BCAP29: variants seen among roughly 807,000 people sequenced by gnomAD.
BCAP29 encodes B-cell receptor-associated protein 29.
Under a neutral mutation model 31.8 loss-of-function variants are expected in BCAP29, and 34 were observed. That is an observed-to-expected ratio of 1.07 (90% CI 0.81 to 1.42). The LOEUF is 1.42. Ranked by LOEUF, BCAP29 falls within the 40% of genes most tolerant of loss-of-function variation. The pLI is 0.00. For synonymous variants in BCAP29, 104 were observed against 91.3 expected (o/e 1.14, Z -0.79); for missense variants, 314 against 269.2 (o/e 1.17, Z -1.16).
At chr7:107,616,291 T>C (rs1419637852) in intron 7 of BCAP29, 1 of 152,448 alleles carries the variant, frequency 6.6e-6, no homozygotes, top group African/African-American at 2.4e-5. Context: ...CATACTGGCC[T>C]TCGCACCTGG....
At chr7:107,609,089 C>G (rs988211059) in intron 6 of BCAP29, among the ~76,000 whole-genome samples, 4 of 152,166 alleles carry the variant, frequency 2.6e-5, no homozygotes, top group African/African-American at 9.7e-5. Context: ...TCGACACTTT[C>G]TTGACATTTT....
At chr7:107,585,947 C>T (rs1297914380) in intron 3 of BCAP29, among the ~76,000 whole-genome samples, 3 of 151,972 alleles carry the variant, frequency 2.0e-5, no homozygotes, top group East Asian at 1.9e-4. Flanking sequence ...GCCGAGATCG[C>T]GCCATTGCAC....
chr7:107,614,059 A>G (rs1244890414), intron 7 of BCAP29, among the ~76,000 whole-genome samples: 1 of 152,146 alleles, frequency 6.6e-6, no homozygotes, highest in Non-Finnish European at 1.5e-5. Context: ...TTGATTTCTC[A>G]GACACACTCT....
chr7:107,613,651 C>T (rs774953959), intron 7 of BCAP29: 5 of 1,604,332 alleles, frequency 3.1e-6, no homozygotes, highest in Non-Finnish European at 3.4e-6. Context: ...TGCATACTTA[C>T]AGCATTCCAG....
At chr7:107,621,536 CA>C (rs1250869727), downstream of BCAP29, 3 of 367,088 alleles carry the variant, frequency 8.2e-6, no homozygotes, top group South Asian at 4.3e-5. Flanking sequence ...TCTTCTATAG[CA>C]AAAGATATGA....
At chr7:107,612,935 G>A (rs1190995976) in intron 6 of BCAP29, among the ~76,000 whole-genome samples, 1 of 152,058 alleles carries the variant, frequency 6.6e-6, no homozygotes, top group Non-Finnish European at 1.5e-5. Flanking sequence ...ACTGTATCCT[G>A]GACTAGCAGT....
At chr7:107,594,489 T>TTTTGTTTGTTTGTTTG (rs71134271) in intron 4 of BCAP29, among the ~76,000 whole-genome samples, 32 of 149,484 alleles carry the variant, frequency 2.1e-4, no homozygotes, top group Non-Finnish European at 3.6e-4. Context: ...CCTACTGTAG[T>TTTTGTTTGTTTGTTTG]TTTGTTTGTT....
intron 2 of BCAP29, 97 bp downstream of exon 2, chr7:107,580,961 T>G: frequency 2.4e-6 from 2 of 843,758 alleles, no homozygotes; most frequent in Non-Finnish European, 3.5e-6. Context: ...CGAAAGTCTT[T>G]GAAAATAAAC....
rs1167022642 is a variant in BCAP29 at position 107,593,880 on chromosome 7, TA to T, written c.194-71del. 5 of 1,452,596 alleles carry T rather than the reference TA, an allele frequency of 3.4e-6. No homozygotes were observed. In the African/African-American group the frequency reaches 7.1e-5, roughly 21 times the overall value. The allele number at this position is 1,452,596 out of a possible 1,614,324, so 90.0% of individuals were successfully genotyped here. On this transcript the variant is annotated intron_variant, in intron 3 of 7. Coordinates refer to ENST00000005259, the MANE Select transcript of BCAP29 (RefSeq NM_018844.4). ...TATTTAAAAGTTTGGTCAGTTTTTC[TA>T]AAACTGCTTTCCATTTTTAACAAGC...
At chr7:107,592,464 A>C (rs1585088857) in intron 3 of BCAP29, among the ~76,000 whole-genome samples, 1 of 152,362 alleles carries the variant, frequency 6.6e-6, no homozygotes, top group East Asian at 1.9e-4. Context: ...GAGAAATTGG[A>C]ACCAACATAC....
intron 6 of BCAP29, among the ~76,000 whole-genome samples, chr7:107,606,667 C>T (rs909443319): frequency 3.9e-5 from 6 of 152,256 alleles, no homozygotes; most frequent in African/African-American, 7.2e-5. Context: ...TAAACAGAAC[C>T]AATTCTCATT....
intron 6 of BCAP29, among the ~76,000 whole-genome samples, chr7:107,606,287 C>G (rs1454604792): frequency 6.6e-6 from 1 of 152,126 alleles, no homozygotes; most frequent in Non-Finnish European, 1.5e-5. Flanking sequence ...AGAGACTGAA[C>G]TAGTTAAACT....
rs7790929 is a variant in BCAP29, at chr7:107,597,156, G to A, written c.480+1154G>A. On this transcript the variant is annotated intron_variant, in intron 5 of 7. Transcript: ENST00000005259. The stretch of plus-strand genomic sequence containing the variant: ...CATAAGTGAGAATATAAAAGATGAC[G>A]TCTGTTTCAAGGTACTTCATGTAGG... Among the ~76,000 whole-genome samples the A allele has an allele frequency of 1.2e-3, 190 of 152,306 alleles. 2 individuals are homozygous for A. The highest frequency in any genetic ancestry group is 4.3e-3 in the African/African-American group (180 of 41,568).
At chr7:107,622,025 C>T, downstream of BCAP29, 1 of 449,134 alleles carries the variant, frequency 2.2e-6, no homozygotes, top group Non-Finnish European at 4.6e-6. Context: ...TTGGATAAGT[C>T]AAAGATAGCC....
At chr7:107,597,362 T>C (rs7809950) in intron 5 of BCAP29, among the ~76,000 whole-genome samples, 116,057 of 151,966 alleles carry the variant, frequency 0.76, 44,909 homozygotes, top group African/African-American at 0.9. Context: ...AGGCAAGAGT[T>C]ACCGCGCCCA....
At chr7:107,599,753 T>C (rs569525064) in intron 5 of BCAP29, among the ~76,000 whole-genome samples, 1 of 152,292 alleles carries the variant, frequency 6.6e-6, no homozygotes, top group Non-Finnish European at 1.5e-5. Context: ...TCAGTTGTTT[T>C]ACTATATGGA....
At chr7:107,584,560 T>G (rs973560037) in intron 3 of BCAP29, among the ~76,000 whole-genome samples, 3 of 152,048 alleles carry the variant, frequency 2.0e-5, no homozygotes, top group African/African-American at 7.3e-5. Flanking sequence ...ATGTAAAAAT[T>G]AGCCAGGTGT....
At chr7:107,612,671 C>T (rs552899743) in intron 6 of BCAP29, among the ~76,000 whole-genome samples, 4 of 151,714 alleles carry the variant, frequency 2.6e-5, no homozygotes, top group Non-Finnish European at 5.9e-5. Flanking sequence ...TGTAATGGGC[C>T]TCTGGATGCC....
At chr7:107,590,153 T>A (rs1808456295) in intron 3 of BCAP29, among the ~76,000 whole-genome samples, 1 of 152,190 alleles carries the variant, frequency 6.6e-6, no homozygotes, top group South Asian at 2.1e-4. Flanking sequence ...AAATTATAGA[T>A]TTGAATATTT....
Sources: gnomAD v4.1 joint callset for allele counts (sites outside exome capture counted in the v4.1 genomes callset) on GRCh38, gnomAD v4.1.1 for gene constraint, MANE v1.5 for transcripts, NCBI Gene and HGNC (gene_info 2026-07-23, HGNC 2026-07-21) for gene names.